The following CD109 variants were observed in gnomAD, a reference collection of about 807,000 sequenced individuals.
CD109 encodes the protein CD109 molecule, also known as CD109 antigen.
A neutral mutation model predicts 165.8 loss-of-function variants in CD109; 149 were observed. That is an observed-to-expected ratio of 0.90 (90% CI 0.79 to 1.03). The LOEUF (loss-of-function observed/expected upper bound fraction) is 1.03, where lower values mean the gene tolerates loss of function less well. Among genes scored for constraint, CD109 ranks in the 50% least tolerant of loss-of-function variants. The pLI is 0.00. For synonymous variants in CD109, 585 were observed against 592.1 expected (o/e 0.99, Z 0.18); for missense variants, 1,712 against 1,677.8 (o/e 1.02, Z -0.36).
intron 6 of CD109, among the ~76,000 whole-genome samples, chr6:73,758,234 A>T (rs1773472590): frequency 6.6e-6 from 1 of 152,016 alleles, no homozygotes; most frequent in Admixed American, 6.6e-5. Flanking sequence ...TTGAATGGTG[A>T]GGTGCCTTGT....
rs774019003 is a variant in CD109, at chr6:73,697,484, T to C, written c.159T>C (p.Pro53=). 2 of 1,614,106 alleles carry C rather than the reference T, an allele frequency of 1.2e-6. No homozygotes were observed. The highest frequency in any genetic ancestry group is 2.2e-5 in the South Asian group (2 of 91,082). The change falls in exon 2 of 33, where the codon CCT becomes CCC. Residue 53 remains proline (P), a synonymous_variant. Transcript: ENST00000287097. ...GGGTGGAGCTTCTGGAACACTGCCC[T>C]TCACAGGTGACTGTGAAGGCGGAGC... The part of the protein sequence containing the change: ...TIGVELLEHC[P]SQVTVKAELL...
chr6:73,717,843 TCTC>T (rs1204165622), intron 2 of CD109, among the ~76,000 whole-genome samples: 1 of 151,794 alleles, frequency 6.6e-6, no homozygotes, highest in East Asian at 2.0e-4. Context: ...ACGGTCTCGA[TCTC>T]CTGACCTCGT....
chr6:73,701,133 A>G (rs987825092), intron 2 of CD109, among the ~76,000 whole-genome samples: 5 of 150,232 alleles, frequency 3.3e-5, no homozygotes, highest in Middle Eastern at 6.8e-3. Context: ...TTGGTGAATA[A>G]TAGACCTTTA....
intron 32 of CD109, among the ~76,000 whole-genome samples, chr6:73,822,871 A>G (rs1303672789): frequency 6.6e-6 from 1 of 152,234 alleles, no homozygotes; most frequent in Admixed American, 6.5e-5. Flanking sequence ...TTTAAAAATT[A>G]TAAAACTCAT....
intron 5 of CD109, among the ~76,000 whole-genome samples, chr6:73,749,273 A>G (rs1456566010): frequency 6.6e-6 from 1 of 152,202 alleles, no homozygotes; most frequent in African/African-American, 2.4e-5. Context: ...ATGGCATTTC[A>G]GCTGTGGGTC....
At chr6:73,789,175 A>G (rs571663722) in intron 22 of CD109, among the ~76,000 whole-genome samples, 1 of 152,346 alleles carries the variant, frequency 6.6e-6, no homozygotes, top group East Asian at 1.9e-4. Flanking sequence ...CCAAAGGTTG[A>G]GTACTCCTCC....
intron 2 of CD109, among the ~76,000 whole-genome samples, chr6:73,708,452 T>C (rs1771389944): frequency 6.6e-6 from 1 of 152,228 alleles, no homozygotes; most frequent in Non-Finnish European, 1.5e-5. Flanking sequence ...AATGCCTCAA[T>C]AAACATACGT....
At chr6:73,810,958 C>A in intron 27 of CD109, 34 bp from the exon 28 acceptor site, 1 of 1,594,154 alleles carries the variant, frequency 6.3e-7, no homozygotes, top group Non-Finnish European at 8.5e-7. Flanking sequence ...TTGATATATA[C>A]TTATATGTAC....
Position 73,828,002 on chromosome 6 carries a change from A to G in CD109, c.*4369A>G, listed in dbSNP as rs1421379818. Reference sequence around the variant, plus strand: ...TTTTATCTTTGATAACTTTAATAGAATGTGGCTCAGTTCTGGTCCTTCAAG... The same window carrying G: ...TTTTATCTTTGATAACTTTAATAGAGTGTGGCTCAGTTCTGGTCCTTCAAG... On this transcript the variant is annotated 3_prime_UTR_variant, in exon 33 of 33. Transcript: ENST00000287097. The G allele has an allele frequency of 3.2e-5, 5 of 154,788 alleles. No homozygotes were observed. The highest frequency in any genetic ancestry group is 5.9e-5 in the Non-Finnish European group (4 of 68,200). 9.6% of individuals were successfully genotyped at this position (154,788 alleles called of 1,614,324 possible). A position where few individuals can be genotyped will look rare whatever the true frequency, so the allele number is the denominator to read the frequency against.
At chr6:73,766,641 C>T in intron 11 of CD109, 118 bp from the exon 12 acceptor site, 18 of 662,538 alleles carry the variant, frequency 2.7e-5, no homozygotes, top group East Asian at 8.1e-5. Context: ...ATGTATTTTT[C>T]TTGCATTAAA....
Position 73,697,354 on chromosome 6 carries a change from T to C in CD109, c.75-46T>C, listed in dbSNP as rs1457543350. ...TCTGAGGGTCACAAAAGAAAGGAGA[T>C]GTGAGGATAAGAAACTTTGTTTTTC... On this transcript the variant is annotated intron_variant, in intron 1 of 32. Transcript: ENST00000287097. 6 of 1,569,176 alleles carry C rather than the reference T, an allele frequency of 3.8e-6. No homozygotes were observed. In the East Asian group the frequency reaches 1.1e-4, roughly 29 times the overall value.
rs1335383471 is a variant in CD109, at chr6:73,808,590, T to TA, written c.3355+343dup. ...CAGGTTAAATCCTGGTTCTGCAACT[T>TA]ACCTTTATGAGGTTCAGTTTTCCCA... is the stretch of plus-strand genomic sequence containing the variant. On this transcript the variant is annotated intron_variant, in intron 26 of 32. Coordinates refer to ENST00000287097, the MANE Select transcript of CD109 (RefSeq NM_133493.5). Among the ~76,000 whole-genome samples the TA allele has an allele frequency of 2.0e-5, 3 of 152,284 alleles. No homozygotes were observed. The East Asian group carries it at 5.8e-4, about 29-fold the overall frequency.
chr6:73,692,937 T>G (rs932012758), upstream of CD109, among the ~76,000 whole-genome samples: 2 of 152,206 alleles, frequency 1.3e-5, no homozygotes, highest in African/African-American at 4.8e-5. Flanking sequence ...TTACCCAGTC[T>G]CAGGTATGTC....
chr6:73,783,817 C>A lies in CD109; in HGVS notation c.2216C>A (p.Pro739Gln). Residue 739 changes from proline (P) to glutamine (Q), a missense_variant, in exon 19 of 33, where the codon CCA (proline) becomes CAA (glutamine). By Grantham distance (76) the Pro-to-Gln change is moderately conservative. Coordinates refer to ENST00000287097, the MANE Select transcript of CD109 (RefSeq NM_133493.5). ...EDLGLGLTTT[P>Q]VELQAFQPFF... The stretch of plus-strand genomic sequence containing the variant: ...CTGGGTCTTGGACTAACAACTACTC[C>A]AGTGGAGGTATTGTATTAAAGAGCT... 6.4e-7 allele frequency: 1 copy of A among 1,562,724 alleles called. No individual in the cohort carries two copies. The highest frequency in any genetic ancestry group is 8.8e-7 in the Non-Finnish European group (1 of 1,134,532).
chr6:73,780,800 G>GTA lies in CD109; in HGVS notation c.1902+311_1902+312dup, dbSNP rs35798747. ...TATATAATATATAAATATATTTTATGTATATATATAATATATAAATATATT... is the reference window on the plus strand; with the variant it reads ...TATATAATATATAAATATATTTTATGTATATATATATAATATATAAATATATT... On this transcript the variant is annotated intron_variant, in intron 16 of 32. Transcript: ENST00000287097. Among the ~76,000 whole-genome samples the GTA allele has an allele frequency of 8.8e-5, 5 of 56,834 alleles. 1 individual carries two copies. Among genetic ancestry groups the GTA allele is most frequent in the Non-Finnish European group, 1.4e-4 (4 of 28,532 alleles). 37.3% of individuals were successfully genotyped at this position (56,834 alleles called of 152,430 possible).
intron 2 of CD109, among the ~76,000 whole-genome samples, chr6:73,705,651 A>AAGAAT (rs1554168029): frequency 4.1e-5 from 6 of 146,582 alleles, no homozygotes; most frequent in Non-Finnish European, 6.0e-5. Context: ...AAGAAAAGAA[A>AAGAAT]AGAATAGAAT....
intron 4 of CD109, among the ~76,000 whole-genome samples, chr6:73,730,792 G>A (rs1012054431): frequency 6.6e-6 from 1 of 152,106 alleles, no homozygotes; most frequent in African/African-American, 2.4e-5. Context: ...CAGGCCTGGG[G>A]TCTTCATTGA....
chr6:73,754,436 G>A (rs1213099218), intron 5 of CD109, among the ~76,000 whole-genome samples: 1 of 152,080 alleles, frequency 6.6e-6, no homozygotes, highest in African/African-American at 2.4e-5. Context: ...GGAAGGAGAC[G>A]GTCAATGGAA....
chr6:73,804,338 G>A (rs1775489595), intron 24 of CD109, among the ~76,000 whole-genome samples: 1 of 152,196 alleles, frequency 6.6e-6, no homozygotes, highest in Non-Finnish European at 1.5e-5. Flanking sequence ...ATTGCTTGAT[G>A]TTCTTTTTAC....
Sources: allele counts gnomAD v4.1 joint callset (sites outside exome capture counted in the v4.1 genomes callset), GRCh38; gene constraint gnomAD v4.1.1; transcripts MANE v1.5; gene names NCBI Gene and HGNC (gene_info 2026-07-23, HGNC 2026-07-21).